The following NCOA1 variants were observed in gnomAD, a reference collection of about 807,000 sequenced individuals.
NCOA1 encodes Hin-2 protein.
NCOA1 carries 35 observed loss-of-function variants against 150.9 expected under a neutral mutation model. The observed-to-expected ratio is 0.23, with a 90% CI of 0.18 to 0.31. The LOEUF is 0.31. Ranked by LOEUF, NCOA1 falls within the 10% of genes least tolerant of loss-of-function variation. The probability of loss-of-function intolerance (pLI) is 1.00; values close to 1 mark genes in which losing one functional copy is unlikely to be tolerated. For missense variants in NCOA1, 1,491 were observed against 1,749.3 expected, an observed-to-expected ratio of 0.85 and a Z score of 2.63; for synonymous variants, 590 against 630.0, an observed-to-expected ratio of 0.94 and a Z score of 0.95.
At chr2:24,557,042 A>T (rs1666100175) in intron 1 of NCOA1, among the ~76,000 whole-genome samples, 1 of 149,696 alleles carries the variant, frequency 6.7e-6, no homozygotes, top group Non-Finnish European at 1.5e-5. Context: ...TATGTATTGT[A>T]GGATTTTTAG....
rs375096042 is a variant in NCOA1 at position 24,528,344 on chromosome 2, C to CTTT, written c.-395-35935_-395-35933dup. Among the ~76,000 whole-genome samples, 17 of 125,852 alleles carry CTTT rather than the reference C, an allele frequency of 1.4e-4. 1 individual carries two copies. The highest frequency in any genetic ancestry group is 3.4e-4 in the Admixed American group (4 of 11,714). The allele number at this position is 125,852 out of a possible 152,430, so 82.6% of individuals were successfully genotyped here. A position where few individuals can be genotyped will look rare whatever the true frequency, so the allele number is the denominator to read the frequency against. ...CGTCAAATAAGGGTCCAATTTCATT[C>CTTT]TTTTTTTTTTTTTTTTTTCTGAGAC... On this transcript the variant is annotated intron_variant, in intron 1 of 22. Coordinates refer to ENST00000348332, the MANE Select transcript of NCOA1 (RefSeq NM_003743.5).
chr2:24,682,606 C>T (rs976606741), intron 7 of NCOA1, among the ~76,000 whole-genome samples: 1 of 152,130 alleles, frequency 6.6e-6, no homozygotes, highest in Non-Finnish European at 1.5e-5. Flanking sequence ...TTGTGCTATG[C>T]TCTCTCCACT....
intron 1 of NCOA1, among the ~76,000 whole-genome samples, chr2:24,522,589 G>T (rs1326900525): frequency 6.6e-6 from 1 of 152,176 alleles, no homozygotes; most frequent in African/African-American, 2.4e-5. Flanking sequence ...AGAGCTGGAG[G>T]TTAGGTCCTG....
chr2:24,535,589 G>A (rs1157233194), intron 1 of NCOA1, among the ~76,000 whole-genome samples: 1 of 152,130 alleles, frequency 6.6e-6, no homozygotes, highest in Admixed American at 6.6e-5. Context: ...GGCTGGTACT[G>A]GTTGTTCCTT....
In NCOA1 at chr2:24,680,754, A is replaced by G. The variant is rs960596834; in HGVS notation, c.355-2197A>G. On this transcript the variant is annotated intron_variant, in intron 7 of 22. Transcript: ENST00000348332. ...TCACCACAAAAAAAATGATAAGTAT[A>G]TGAGGTAGTGCTTATGTTCATTAGC... Among the ~76,000 whole-genome samples the G allele has an allele frequency of 6.6e-5, 10 of 152,326 alleles. No homozygotes were observed. The South Asian group carries it at 2.1e-3, about 32-fold the overall frequency.
chr2:24,568,219 G>GT, intron 2 of NCOA1, among the ~76,000 whole-genome samples: 1 of 152,304 alleles, frequency 6.6e-6, no homozygotes, highest in South Asian at 2.1e-4. Context: ...GGATTTTGTT[G>GT]TTTTGGGGGA....
At chr2:24,515,804 T>C (rs1664137670) in intron 1 of NCOA1, among the ~76,000 whole-genome samples, 1 of 152,348 alleles carries the variant, frequency 6.6e-6, no homozygotes, top group South Asian at 2.1e-4. Flanking sequence ...AAACAAAAGC[T>C]ATTAATTTGG....
intron 2 of NCOA1, among the ~76,000 whole-genome samples, chr2:24,581,473 T>C (rs2148309392): frequency 6.6e-6 from 1 of 152,338 alleles, no homozygotes; most frequent in Non-Finnish European, 1.5e-5. Context: ...TTTTTACTTC[T>C]GTTTTTGTGT....
At chr2:24,545,188 C>T (rs1243520378) in intron 1 of NCOA1, among the ~76,000 whole-genome samples, 2 of 152,092 alleles carry the variant, frequency 1.3e-5, no homozygotes, top group African/African-American at 4.8e-5. Flanking sequence ...AACTAAGGCT[C>T]CCTGGAAAAT....
intron 17 of NCOA1, among the ~76,000 whole-genome samples, chr2:24,733,367 A>C (rs192546074): frequency 1.3e-5 from 2 of 152,344 alleles, no homozygotes; most frequent in African/African-American, 4.8e-5. Context: ...ACTAAAAATT[A>C]AGTCATTTTG....
intron 3 of NCOA1, among the ~76,000 whole-genome samples, chr2:24,606,071 C>G (rs75570723): frequency 0.013 from 2,009 of 152,056 alleles, 23 homozygotes; most frequent in Non-Finnish European, 0.021. Context: ...CAAGGAGGTT[C>G]TCTTTAAGAT....
chr2:24,723,064 G>C (rs1317589168), intron 14 of NCOA1, among the ~76,000 whole-genome samples: 1 of 150,388 alleles, frequency 6.6e-6, no homozygotes, highest in Non-Finnish European at 1.5e-5. Flanking sequence ...TATTTTTAGT[G>C]ATTAAGATAT....
chr2:24,683,355 G>A (rs1188966120), intron 8 of NCOA1, among the ~76,000 whole-genome samples: 1 of 152,040 alleles, frequency 6.6e-6, no homozygotes, highest in Non-Finnish European at 1.5e-5. Flanking sequence ...CCTTTATACT[G>A]TGTGAATTGT....
chr2:24,691,538 G>A lies in NCOA1; in HGVS notation c.590G>A (p.Cys197Tyr). Residue 197 changes from cysteine (C) to tyrosine (Y), a missense_variant, in exon 9 of 23, where the codon TGC (cysteine) becomes TAC (tyrosine). By Grantham distance (194) the Cys-to-Tyr change is radical. Around this residue, in one of 8 missense-constraint regions of NCOA1, gnomAD observed 99 missense variants for 122.8 expected, o/e 0.81. Transcript: ENST00000348332. ...ATRRNSHTFN[C>Y]RMLIHPPDEP... is the part of the protein sequence containing the mutation. ...CGACGAAATAGCCATACCTTTAACTGCAGGATGCTAATTCACCCTCCAGAT... is the reference window on the plus strand; with the variant it reads ...CGACGAAATAGCCATACCTTTAACTACAGGATGCTAATTCACCCTCCAGAT... 6.2e-7 allele frequency: 1 copy of A among 1,614,154 alleles called. No individual in the cohort carries two copies. The highest frequency in any genetic ancestry group is 1.7e-5 in the Admixed American group (1 of 60,020).
chr2:24,717,597 G>C (rs1674112713), intron 14 of NCOA1, among the ~76,000 whole-genome samples: 1 of 152,088 alleles, frequency 6.6e-6, no homozygotes, highest in African/African-American at 2.4e-5. Flanking sequence ...AATGTACATA[G>C]ACATATACAC....
At chr2:24,697,894 C>A (rs1672973159) in intron 11 of NCOA1, 96 bp downstream of exon 11, 2 of 1,279,956 alleles carry the variant, frequency 1.6e-6, no homozygotes, top group Non-Finnish European at 2.1e-6. Flanking sequence ...GTATTTTCTC[C>A]AAATTATAGT....
Position 24,725,708 on chromosome 2 carries a change from AGTGTGCGT to A in NCOA1, c.2600-875_2600-868del, listed in dbSNP as rs1269078183. The stretch of plus-strand genomic sequence containing the variant: ...ATCTCACTACCTAAAGTGGACCTAA[AGTGTGCGT>A]GTGTGTGTGTGTGTGTGTGTGTGTG... On this transcript the variant is annotated intron_variant, in intron 14 of 22. Coordinates refer to ENST00000348332, the MANE Select transcript of NCOA1 (RefSeq NM_003743.5). Among the ~76,000 whole-genome samples, 261 of 78,294 alleles carry A rather than the reference AGTGTGCGT, an allele frequency of 3.3e-3. 1 individual carries two copies. Among genetic ancestry groups the A allele is most frequent in the African/African-American group, 9.0e-3 (255 of 28,366 alleles). The allele number at this position is 78,294 out of a possible 152,430, so 51.4% of individuals were successfully genotyped here. A position where few individuals can be genotyped will look rare whatever the true frequency, so the allele number is the denominator to read the frequency against.
chr2:24,514,489 A>G (rs1346564009), intron 1 of NCOA1, among the ~76,000 whole-genome samples: 4 of 151,996 alleles, frequency 2.6e-5, no homozygotes, highest in Non-Finnish European at 1.5e-5. Flanking sequence ...TAAAATAAGC[A>G]TAGGATAATC....
intron 3 of NCOA1, among the ~76,000 whole-genome samples, chr2:24,639,839 G>A (rs543126957): frequency 8.7e-4 from 128 of 147,762 alleles, no homozygotes; most frequent in African/African-American, 3.0e-3. Flanking sequence ...AGTGAGCAGA[G>A]ATCGTGCTAT....
Sources: allele counts gnomAD v4.1 joint callset (sites outside exome capture counted in the v4.1 genomes callset), GRCh38; gene constraint gnomAD v4.1.1; regional missense constraint gnomAD v4.1.1; transcripts MANE v1.5; gene names NCBI Gene and HGNC (gene_info 2026-07-23, HGNC 2026-07-21).